RAB3GAP1: variants seen among roughly 807,000 people sequenced by gnomAD.
RAB3GAP1 encodes rab3 GTPase-activating protein catalytic subunit.
Under a neutral mutation model 130.7 loss-of-function variants are expected in RAB3GAP1, and 86 were observed. The ratio of observed to expected loss-of-function variants is 0.66; its 90% CI spans 0.55 to 0.79. The LOEUF (loss-of-function observed/expected upper bound fraction) is 0.79, where lower values mean the gene tolerates loss of function less well. Ranked by LOEUF, RAB3GAP1 falls within the 30% of genes least tolerant of loss-of-function variation. The pLI is 0.00. For missense variants in RAB3GAP1, 1,029 were observed against 1,169.4 expected (o/e 0.88, Z 1.75); for synonymous variants, 367 against 401.7 (o/e 0.91, Z 1.03).
At chr2:135,127,392 G>A (rs1422870598) in intron 11 of RAB3GAP1, among the ~76,000 whole-genome samples, 1 of 151,684 alleles carries the variant, frequency 6.6e-6, no homozygotes, top group Non-Finnish European at 1.5e-5. Flanking sequence ...CGCCCAGGCT[G>A]GAGTGCAGTG....
chr2:135,104,748 G>A (rs1427056222), intron 5 of RAB3GAP1, among the ~76,000 whole-genome samples: 1 of 150,636 alleles, frequency 6.6e-6, no homozygotes, highest in Non-Finnish European at 1.5e-5. Context: ...AATTAGCTGG[G>A]TGTGGTGGTA....
At chr2:135,076,384 A>G (rs1457903462) in intron 3 of RAB3GAP1, among the ~76,000 whole-genome samples, 1 of 151,990 alleles carries the variant, frequency 6.6e-6, no homozygotes, top group Non-Finnish European at 1.5e-5. Flanking sequence ...TTTTCATTAT[A>G]TTTTTTCTAA....
At chr2:135,091,579 G>A (rs1690142586) in intron 4 of RAB3GAP1, among the ~76,000 whole-genome samples, 1 of 152,080 alleles carries the variant, frequency 6.6e-6, no homozygotes, top group Non-Finnish European at 1.5e-5. Context: ...TAGTATTTTG[G>A]ATTTACTCTA....
intron 19 of RAB3GAP1, among the ~76,000 whole-genome samples, chr2:135,156,762 T>C (rs1043040931): frequency 6.6e-6 from 1 of 152,174 alleles, no homozygotes; most frequent in Non-Finnish European, 1.5e-5. Flanking sequence ...TCAAAATTGT[T>C]CTGCAGGTAT....
intron 18 of RAB3GAP1, 71 bp from the exon 19 acceptor site, chr2:135,153,577 AT>A: frequency 7.0e-7 from 1 of 1,422,316 alleles, no homozygotes; most frequent in African/African-American, 1.4e-5. Context: ...TGAAAATACA[AT>A]TTTGCAAACA....
chr2:135,169,428 T>C lies in RAB3GAP1; in HGVS notation c.*647T>C, dbSNP rs553227077. ...ATGTATTACTTCTGATAAAACTATA[T>C]ATCAAATGTCACTGCAAATTAGTTT... On this transcript the variant is annotated 3_prime_UTR_variant, in exon 24 of 24. Coordinates refer to ENST00000264158, the MANE Select transcript of RAB3GAP1 (RefSeq NM_012233.3). 59 of 183,354 alleles carry C rather than the reference T, an allele frequency of 3.2e-4. No homozygotes were observed. Among genetic ancestry groups the C allele is most frequent in the South Asian group, 5.5e-4 (5 of 9,024 alleles). The allele number at this position is 183,354 out of a possible 1,614,324, so 11.4% of individuals were successfully genotyped here. A position where few individuals can be genotyped will look rare whatever the true frequency, so the allele number is the denominator to read the frequency against.
At chr2:135,151,745 AG>A (rs1177710323) in intron 18 of RAB3GAP1, among the ~76,000 whole-genome samples, 4 of 152,254 alleles carry the variant, frequency 2.6e-5, no homozygotes, top group Admixed American at 6.5e-5. Flanking sequence ...AATTGGCTTA[AG>A]GTGTGTGTGC....
Position 135,098,319 on chromosome 2 carries a change from G to A in RAB3GAP1, c.362+4626G>A, listed in dbSNP as rs1377060323. Among the ~76,000 whole-genome samples, 4 of 152,014 alleles carry A rather than the reference G, an allele frequency of 2.6e-5. No individual in the cohort carries two copies. In the South Asian group the frequency reaches 6.2e-4, roughly 24 times the overall value. ...TTCCAAAAATTTTCTAGAAAAGACAGCACTAAGAGAAATGAAAAGATTATC... is the reference window on the plus strand; with the variant it reads ...TTCCAAAAATTTTCTAGAAAAGACAACACTAAGAGAAATGAAAAGATTATC... On this transcript the variant is annotated intron_variant, in intron 5 of 23. Coordinates refer to ENST00000264158, the MANE Select transcript of RAB3GAP1 (RefSeq NM_012233.3).
chr2:135,115,896 A>G (rs74666785), intron 7 of RAB3GAP1, among the ~76,000 whole-genome samples: 1,697 of 152,304 alleles, frequency 0.011, 18 homozygotes, highest in Middle Eastern at 0.037. Context: ...CTTATATTCT[A>G]TAACAACACT....
At chr2:135,160,407 C>T (rs1407058027) in intron 19 of RAB3GAP1, among the ~76,000 whole-genome samples, 2 of 152,024 alleles carry the variant, frequency 1.3e-5, no homozygotes, top group African/African-American at 2.4e-5. Context: ...CGCGGTGGCT[C>T]ATGCCTGTAA....
intron 5 of RAB3GAP1, among the ~76,000 whole-genome samples, chr2:135,107,183 C>G (rs770619262): frequency 6.6e-6 from 1 of 151,564 alleles, no homozygotes; most frequent in African/African-American, 2.4e-5. Context: ...TAATGACATT[C>G]TTATGTAAAC....
chr2:135,056,333 GCTGGGATTACAGGTGCCTGC>G, intron 2 of RAB3GAP1, among the ~76,000 whole-genome samples: 1 of 152,176 alleles, frequency 6.6e-6, no homozygotes, highest in East Asian at 1.9e-4. Flanking sequence ...CTCCTGAGTA[GCTGGGATTACAGGTGCCTGC>G]CACCGCGCCT....
chr2:135,124,320 T>C lies in RAB3GAP1; in HGVS notation c.830+74T>C, dbSNP rs1361630698. 3.0e-6 allele frequency: 4 copies of C among 1,351,856 alleles called. No individual in the cohort carries two copies. In the African/African-American group the frequency reaches 5.8e-5, roughly 19 times the overall value. 83.7% of individuals were successfully genotyped at this position (1,351,856 alleles called of 1,614,324 possible). On this transcript the variant is annotated intron_variant, in intron 9 of 23. Coordinates refer to ENST00000264158, the MANE Select transcript of RAB3GAP1 (RefSeq NM_012233.3). ...ATTTATATTGATATTGATTTCACTG[T>C]GCTTTATGATGCTATAGCTTGCTGG...
intron 19 of RAB3GAP1, among the ~76,000 whole-genome samples, chr2:135,161,848 A>G (rs1419783693): frequency 6.6e-6 from 1 of 152,184 alleles, no homozygotes; most frequent in East Asian, 1.9e-4. Context: ...GTTTTGGGGA[A>G]GTAGGATTTC....
At chr2:135,111,489 T>C (rs1472554472) in intron 5 of RAB3GAP1, among the ~76,000 whole-genome samples, 1 of 152,214 alleles carries the variant, frequency 6.6e-6, no homozygotes, top group African/African-American at 2.4e-5. Flanking sequence ...ATGATAATTT[T>C]TTAACCCCTT....
intron 5 of RAB3GAP1, among the ~76,000 whole-genome samples, chr2:135,106,691 C>T (rs1404090304): frequency 6.6e-6 from 1 of 150,388 alleles, no homozygotes; most frequent in East Asian, 2.0e-4. Context: ...CTTCCCTCCA[C>T]TATTGTCCTA....
chr2:135,106,458 C>G (rs535314564), intron 5 of RAB3GAP1, among the ~76,000 whole-genome samples: 54 of 152,230 alleles, frequency 3.5e-4, no homozygotes, highest in African/African-American at 1.3e-3. Flanking sequence ...AACCTTACCC[C>G]CAACCCGTGC....
intron 7 of RAB3GAP1, among the ~76,000 whole-genome samples, chr2:135,119,092 C>CTCCT (rs1691115648): frequency 6.8e-6 from 1 of 147,852 alleles, no homozygotes; most frequent in Non-Finnish European, 1.5e-5. Flanking sequence ...CCCTCCCTCC[C>CTCCT]TCCCTTCCTT....
At position 135,127,769 on chromosome 2, in the gene RAB3GAP1, G is replaced by A. The variant is rs1026146932; in HGVS notation, c.973+1113G>A. Among the ~76,000 whole-genome samples the A allele has an allele frequency of 7.2e-5, 11 of 152,214 alleles. No homozygotes were observed. The South Asian group carries it at 1.0e-3, about 14-fold the overall frequency. ...TATACACCTCACAAGGTTATTTGAG[G>A]GATCAAGTGAAATAACACAAATGGA... On this transcript the variant is annotated intron_variant, in intron 11 of 23. Coordinates refer to ENST00000264158, the MANE Select transcript of RAB3GAP1 (RefSeq NM_012233.3).
Sources: allele counts gnomAD v4.1 joint callset (sites outside exome capture counted in the v4.1 genomes callset), GRCh38; gene constraint gnomAD v4.1.1; transcripts MANE v1.5; gene names NCBI Gene and HGNC (gene_info 2026-07-23, HGNC 2026-07-21).